UBE2V2: variants seen among roughly 807,000 people sequenced by gnomAD.
The protein encoded by UBE2V2 is ubiquitin-conjugating enzyme E2 variant 2.
Under a neutral mutation model 17.2 loss-of-function variants are expected in UBE2V2, and 9 were observed. The observed-to-expected ratio is 0.52, with a 90% CI of 0.32 to 0.91. UBE2V2 has a LOEUF of 0.91. Among genes scored for constraint, UBE2V2 ranks in the 40% least tolerant of loss-of-function variants. The pLI is 0.04. For synonymous variants in UBE2V2, 61 were observed against 57.5 expected, an observed-to-expected ratio of 1.06 and a Z score of -0.28; for missense variants, 133 against 182.6, an observed-to-expected ratio of 0.73 and a Z score of 1.56.
At chr8:47,998,132 C>T in the UBE2V2 span, among the ~76,000 whole-genome samples, 7 of 151,964 alleles carry the variant, frequency 4.6e-5, no homozygotes, top group Non-Finnish European at 8.8e-5. Context: ...GTGCCATTTT[C>T]GGACCATTGG....
At chr8:48,002,569 CTTGA>C in the UBE2V2 span, among the ~76,000 whole-genome samples, 1 of 149,830 alleles carries the variant, frequency 6.7e-6, no homozygotes, top group Non-Finnish European at 1.5e-5. Context: ...GGGCAGATTG[CTTGA>C]CCTCAGGAGT....
chr8:48,020,046 C>CTT (rs777644132), intron 1 of UBE2V2, among the ~76,000 whole-genome samples: 10 of 142,548 alleles, frequency 7.0e-5, no homozygotes, highest in African/African-American at 2.3e-4. Context: ...CTCTGTCTCT[C>CTT]TTTTTTTTTT....
At position 48,061,111 on chromosome 8, in the gene UBE2V2, T is replaced by G. The variant is rs968736447; in HGVS notation, c.*283T>G. 5.7e-5 allele frequency: 12 copies of G among 210,070 alleles called. 1 individual carries two copies. Among genetic ancestry groups the G allele is most frequent in the African/African-American group, 2.1e-4 (9 of 43,748 alleles). 13.0% of individuals were successfully genotyped at this position (210,070 alleles called of 1,614,324 possible). The stretch of plus-strand genomic sequence containing the variant: ...TTCAGGTTTACAAGATGAAAGCGTG[T>G]GGAGAAGTGTCAGATGGCAGTGGAA... On this transcript the variant is annotated 3_prime_UTR_variant, in exon 4 of 4. Coordinates refer to ENST00000523111, the MANE Select transcript of UBE2V2 (RefSeq NM_003350.3).
intron 1 of UBE2V2, among the ~76,000 whole-genome samples, chr8:48,020,046 CT>C (rs777644132): frequency 3.6e-3 from 516 of 142,246 alleles, no homozygotes; most frequent in Middle Eastern, 7.3e-3. Flanking sequence ...CTCTGTCTCT[CT>C]TTTTTTTTTT....
At chr8:48,005,589 G>GC (rs1407469024), upstream of UBE2V2, among the ~76,000 whole-genome samples, 1 of 152,212 alleles carries the variant, frequency 6.6e-6, no homozygotes, top group Admixed American at 6.5e-5. Context: ...TTGAGGAATC[G>GC]CCACACTGTC....
the UBE2V2 span, among the ~76,000 whole-genome samples, chr8:47,997,834 C>G: frequency 6.6e-6 from 1 of 151,506 alleles, no homozygotes; most frequent in Non-Finnish European, 1.5e-5. Flanking sequence ...TGGAGGCATA[C>G]GGTGGGGGGG....
At chr8:48,019,460 G>A (rs760844593) in intron 1 of UBE2V2, among the ~76,000 whole-genome samples, 2 of 151,686 alleles carry the variant, frequency 1.3e-5, no homozygotes, top group Non-Finnish European at 2.9e-5. Flanking sequence ...CCTGGGAGTC[G>A]GGAGATTGCA....
intron 1 of UBE2V2, among the ~76,000 whole-genome samples, chr8:48,019,118 G>A (rs561107611): frequency 6.6e-6 from 1 of 152,200 alleles, no homozygotes; most frequent in South Asian, 2.1e-4. Context: ...TGTAATCCCA[G>A]CACTTTGAGA....
intron 1 of UBE2V2, among the ~76,000 whole-genome samples, chr8:48,027,857 A>AT (rs568836909): frequency 1.2e-3 from 177 of 147,768 alleles, no homozygotes; most frequent in African/African-American, 1.8e-3. Flanking sequence ...TTCTTTATTC[A>AT]TTTTTTTTTT....
At chr8:47,999,336 G>C in the UBE2V2 span, among the ~76,000 whole-genome samples, 1 of 152,078 alleles carries the variant, frequency 6.6e-6, no homozygotes, top group East Asian at 1.9e-4. Flanking sequence ...CCTTATCTGA[G>C]GAATTCATAA....
At chr8:48,036,842 G>C (rs1353711655) in intron 1 of UBE2V2, among the ~76,000 whole-genome samples, 2 of 152,004 alleles carry the variant, frequency 1.3e-5, no homozygotes, top group African/African-American at 4.8e-5. Context: ...CAAATCTCAG[G>C]GTATTTGTGG....
At chr8:48,007,125 T>C (rs953430772), upstream of UBE2V2, among the ~76,000 whole-genome samples, 1 of 151,928 alleles carries the variant, frequency 6.6e-6, no homozygotes, top group Admixed American at 6.6e-5. Flanking sequence ...TCTGACCTCG[T>C]GATCCGCCCG....
intron 1 of UBE2V2, among the ~76,000 whole-genome samples, chr8:48,011,570 TTA>T (rs2091231720): frequency 6.6e-6 from 1 of 152,000 alleles, no homozygotes; most frequent in Admixed American, 6.5e-5. Context: ...GTTTTGATCT[TTA>T]GTTCAGTGTG....
chr8:48,021,139 G>A (rs868839642), intron 1 of UBE2V2, among the ~76,000 whole-genome samples: 6 of 149,090 alleles, frequency 4.0e-5, no homozygotes, highest in East Asian at 2.0e-4. Context: ...GTGCAATGGC[G>A]TGATCCCGGC....
chr8:48,001,502 A>C, the UBE2V2 span, among the ~76,000 whole-genome samples: 10 of 152,164 alleles, frequency 6.6e-5, no homozygotes, highest in Non-Finnish European at 1.2e-4. Context: ...CAAGAGGCTG[A>C]AGTGAAGGAT....
chr8:48,012,134 T>C (rs1427632003), intron 1 of UBE2V2, among the ~76,000 whole-genome samples: 1 of 152,210 alleles, frequency 6.6e-6, no homozygotes, highest in Non-Finnish European at 1.5e-5. Context: ...ACTCTGAATT[T>C]GGAATATTTC....
chr8:48,063,684 A>G lies in UBE2V2; in HGVS notation c.*2856A>G, dbSNP rs1381842817. The G allele has an allele frequency of 2.0e-5, 3 of 152,088 alleles. No individual in the cohort carries two copies. Among genetic ancestry groups the G allele is most frequent in the Non-Finnish European group, 4.4e-5 (3 of 68,012 alleles). The allele number at this position is 152,088 out of a possible 1,614,324, so 9.4% of individuals were successfully genotyped here. Reference sequence around the variant, plus strand: ...TTGTGGGTTTATGTGTAACTACAGGATTTTGGAACATAAACATTTTGAAGG... The same window carrying G: ...TTGTGGGTTTATGTGTAACTACAGGGTTTTGGAACATAAACATTTTGAAGG... On this transcript the variant is annotated 3_prime_UTR_variant, in exon 4 of 4. Coordinates refer to ENST00000523111, the MANE Select transcript of UBE2V2 (RefSeq NM_003350.3).
At chr8:48,048,533 C>G (rs905868632) in intron 2 of UBE2V2, among the ~76,000 whole-genome samples, 1 of 152,166 alleles carries the variant, frequency 6.6e-6, no homozygotes, top group African/African-American at 2.4e-5. Flanking sequence ...CCAAGATAAT[C>G]ATGAGATCTA....
chr8:48,049,782 T>G, intron 2 of UBE2V2, 71 bp from the exon 3 acceptor site: 1 of 1,403,948 alleles, frequency 7.1e-7, no homozygotes, highest in Non-Finnish European at 9.7e-7. Context: ...TCCCTTTTTT[T>G]TTTTTAGCAC....
Sources: allele counts gnomAD v4.1 joint callset (sites outside exome capture counted in the v4.1 genomes callset), GRCh38; gene constraint gnomAD v4.1.1; transcripts MANE v1.5; gene names NCBI Gene and HGNC (gene_info 2026-07-23, HGNC 2026-07-21).